Variants in GALNT14 observed in about 807,000 individuals in gnomAD.
GALNT14 encodes UDP-GalNAc:polypeptide N-acetylgalactosaminyltransferase 14.
A neutral mutation model predicts 77.5 loss-of-function variants in GALNT14; 60 were observed. That is an observed-to-expected ratio of 0.77 (90% CI 0.63 to 0.96). The LOEUF (loss-of-function observed/expected upper bound fraction) is 0.96. Among genes scored for constraint, GALNT14 ranks in the 40% least tolerant of loss-of-function variants. GALNT14 has a pLI of 0.00. For missense variants in GALNT14, 710 were observed against 731.0 expected (o/e 0.97, Z 0.33); for synonymous variants, 280 against 281.7 (o/e 0.99, Z 0.06).
chr2:30,908,010 AC>A (rs1266134201), downstream of GALNT14, among the ~76,000 whole-genome samples: 1 of 119,326 alleles, frequency 8.4e-6, no homozygotes, highest in Non-Finnish European at 1.7e-5. Context: ...AAATTCAACA[AC>A]CCTTCATGCT....
chr2:30,928,263 C>T (rs533482281), intron 11 of GALNT14, among the ~76,000 whole-genome samples: 1 of 152,314 alleles, frequency 6.6e-6, no homozygotes, highest in South Asian at 2.1e-4. Flanking sequence ...GCAAAAAACC[C>T]ATCTGCTCAA....
rs149679608 is a variant in GALNT14, at chr2:31,018,867, C to T, written c.130-25860G>A. Among the ~76,000 whole-genome samples the T allele has an allele frequency of 6.0e-4, 91 of 152,220 alleles. 1 individual carries two copies. Among genetic ancestry groups the T allele is most frequent in the African/African-American group, 2.1e-3 (89 of 41,518 alleles). Reference sequence around the variant, plus strand: ...CTCAGCAGCTGTGTGGTGGGGCCTGCGACCTCTACCTAGCTCAGGCCCTGC... The same window carrying T: ...CTCAGCAGCTGTGTGGTGGGGCCTGTGACCTCTACCTAGCTCAGGCCCTGC... On this transcript the variant is annotated intron_variant, in intron 1 of 14. Transcript: ENST00000349752.
rs1357455297 is a variant in GALNT14, at chr2:31,128,981, A to C, written c.129+8977T>G. On this transcript the variant is annotated intron_variant, in intron 1 of 14. Coordinates refer to ENST00000349752, the MANE Select transcript of GALNT14 (RefSeq NM_024572.4). ...AAAATAAAATTGAAAAAAAAAAAAA[A>C]CACACAAAGCAATGCTGGTGTTTCA... Among the ~76,000 whole-genome samples, 8 of 143,978 alleles carry C rather than the reference A, an allele frequency of 5.6e-5. No homozygotes were observed. In the South Asian group the frequency reaches 8.6e-4, roughly 16 times the overall value. The allele number at this position is 143,978 out of a possible 152,430, so 94.5% of individuals were successfully genotyped here. A position where few individuals can be genotyped will look rare whatever the true frequency, so the allele number is the denominator to read the frequency against.
the GALNT14 span, among the ~76,000 whole-genome samples, chr2:30,904,311 T>C: frequency 6.6e-6 from 1 of 152,178 alleles, no homozygotes; most frequent in African/African-American, 2.4e-5. Flanking sequence ...GGTTCATCTC[T>C]TTAGGAAGTG....
At chr2:30,946,033 C>A (rs1446491029) in intron 6 of GALNT14, among the ~76,000 whole-genome samples, 163 bp from the exon 7 acceptor site, 3 of 152,126 alleles carry the variant, frequency 2.0e-5, no homozygotes, top group African/African-American at 7.2e-5. Flanking sequence ...AAAGGGGGTA[C>A]TGGGCAATGG....
At chr2:30,896,435 TCTACTA>T in the GALNT14 span, among the ~76,000 whole-genome samples, 1 of 152,192 alleles carries the variant, frequency 6.6e-6, no homozygotes, top group Admixed American at 6.5e-5. Context: ...GAATTTCACC[TCTACTA>T]CAAGTTATGA....
intron 2 of GALNT14, among the ~76,000 whole-genome samples, 196 bp from the exon 3 acceptor site, chr2:30,966,498 G>T (rs537433463): frequency 5.9e-5 from 9 of 152,300 alleles, no homozygotes; most frequent in African/African-American, 2.2e-4. Flanking sequence ...CTCCAAGAAT[G>T]ACTAAATCTG....
chr2:31,134,146 C>T (rs753673292), intron 1 of GALNT14, among the ~76,000 whole-genome samples: 2 of 152,194 alleles, frequency 1.3e-5, no homozygotes, highest in African/African-American at 2.4e-5. Flanking sequence ...AGAACCAGAA[C>T]CTGCCTCTCC....
At chr2:30,945,025 T>A in intron 7 of GALNT14, 83 bp from the exon 8 acceptor site, 1 of 1,238,128 alleles carries the variant, frequency 8.1e-7, no homozygotes, top group Non-Finnish European at 1.1e-6. Flanking sequence ...GTCATGAATG[T>A]ACCCAGGTCC....
intron 1 of GALNT14, among the ~76,000 whole-genome samples, chr2:31,076,832 G>A (rs1675828914): frequency 6.6e-6 from 1 of 152,158 alleles, no homozygotes; most frequent in South Asian, 2.1e-4. Context: ...TGGACAACAG[G>A]TGTAAACTCA....
chr2:31,040,309 A>G (rs563008455), intron 1 of GALNT14, among the ~76,000 whole-genome samples: 5 of 152,292 alleles, frequency 3.3e-5, no homozygotes, highest in Admixed American at 1.3e-4. Context: ...GGAGAACTGT[A>G]TATGTCCTAG....
At chr2:30,953,645 C>T (rs1455577610) in intron 6 of GALNT14, among the ~76,000 whole-genome samples, 2 of 152,158 alleles carry the variant, frequency 1.3e-5, no homozygotes, top group Non-Finnish European at 2.9e-5. Flanking sequence ...GTTGCTTCTA[C>T]TTGCTGTCAC....
chr2:31,041,886 T>C (rs934635462), intron 1 of GALNT14, among the ~76,000 whole-genome samples: 11 of 152,042 alleles, frequency 7.2e-5, no homozygotes, highest in African/African-American at 2.7e-4. Context: ...AGCAGAGCCA[T>C]GCTGAGGGGA....
rs139080825 is a variant in GALNT14, at chr2:31,071,902, C to T, written c.129+66056G>A. ...CAGAGCATGAAACCAAGAGCAGGCC[C>T]CCATGCAACTGCGCAGCCACACACC... is the stretch of plus-strand genomic sequence containing the variant. On this transcript the variant is annotated intron_variant, in intron 1 of 14. Coordinates refer to ENST00000349752, the MANE Select transcript of GALNT14 (RefSeq NM_024572.4). 2.6e-5 allele frequency among the ~76,000 whole-genome samples: 4 copies of T among 152,256 alleles called. No individual in the cohort carries two copies. In the East Asian group the frequency reaches 7.7e-4, roughly 29 times the overall value.
the GALNT14 span, among the ~76,000 whole-genome samples, chr2:30,893,695 G>A: frequency 6.6e-6 from 1 of 152,020 alleles, no homozygotes; most frequent in East Asian, 1.9e-4. Context: ...AAGGATGGCT[G>A]TCTCTGGGGA....
chr2:31,129,409 G>A, intron 1 of GALNT14: 1 of 985,426 alleles, frequency 1.0e-6, no homozygotes, highest in Non-Finnish European at 1.2e-6. Context: ...CCTTTAATTA[G>A]TAAAGTCTTT....
chr2:31,077,696 C>T (rs962684533), intron 1 of GALNT14, among the ~76,000 whole-genome samples: 4 of 152,198 alleles, frequency 2.6e-5, no homozygotes, highest in African/African-American at 9.7e-5. Context: ...CATTTACCTC[C>T]TTATCTGTCT....
chr2:31,137,100 G>C (rs1055157402), intron 1 of GALNT14, among the ~76,000 whole-genome samples: 3 of 152,208 alleles, frequency 2.0e-5, no homozygotes, highest in African/African-American at 7.2e-5. Flanking sequence ...AAAACGGAAG[G>C]CTACCATGTC....
chr2:30,937,694 G>A (rs1666137843), intron 9 of GALNT14, among the ~76,000 whole-genome samples: 1 of 152,112 alleles, frequency 6.6e-6, no homozygotes, highest in African/African-American at 2.4e-5. Flanking sequence ...TGTTTAAATT[G>A]GGTCCACTCA....
Sources: allele counts gnomAD v4.1 joint callset (sites outside exome capture counted in the v4.1 genomes callset), GRCh38; gene constraint gnomAD v4.1.1; transcripts MANE v1.5; gene names NCBI Gene and HGNC (gene_info 2026-07-23, HGNC 2026-07-21).